Variants in ROR1 observed in about 807,000 individuals in gnomAD.
ROR1 encodes ROR family WNT receptor 1.
ROR1 carries 19 observed loss-of-function variants against 78.8 expected under a neutral mutation model. The observed-to-expected ratio is 0.24, with a 90% CI of 0.17 to 0.35. The LOEUF is 0.35. Ranked by LOEUF, ROR1 falls within the 10% of genes least tolerant of loss-of-function variation. The pLI is 1.00. For synonymous variants in ROR1, 386 were observed against 433.6 expected (o/e 0.89, Z 1.36); for missense variants, 917 against 1,177.8 (o/e 0.78, Z 3.24).
At position 64,109,132 on chromosome 1, in the gene ROR1, T is replaced by TA. The variant is rs202165663; in HGVS notation, c.483-28236dup. On this transcript the variant is annotated intron_variant, in intron 4 of 8. Coordinates refer to ENST00000371079, the MANE Select transcript of ROR1 (RefSeq NM_005012.4). The stretch of plus-strand genomic sequence containing the variant: ...CAATCTGCATCTTTAGTCCATCCTC[T>TA]AGGTGTGTCTTACAGACACCCCAGT... Among the ~76,000 whole-genome samples the TA allele has an allele frequency of 9.1e-3, 1,379 of 152,216 alleles. 17 individuals are homozygous for TA. The highest frequency in any genetic ancestry group is 0.032 in the African/African-American group (1,337 of 41,552).
chr1:63,945,626 A>G (rs1043805925), intron 1 of ROR1, among the ~76,000 whole-genome samples: 1 of 152,082 alleles, frequency 6.6e-6, no homozygotes. Context: ...TTTACTTGCT[A>G]CATCAAACAT....
At chr1:64,064,286 T>A (rs1030134116) in intron 4 of ROR1, among the ~76,000 whole-genome samples, 4 of 152,184 alleles carry the variant, frequency 2.6e-5, no homozygotes, top group African/African-American at 9.7e-5. Context: ...TGGTGGCATG[T>A]CTGTTCTGTG....
chr1:63,988,952 T>C (rs1646272637), intron 1 of ROR1, among the ~76,000 whole-genome samples: 1 of 152,188 alleles, frequency 6.6e-6, no homozygotes, highest in Non-Finnish European at 1.5e-5. Context: ...TGGGTGTGCA[T>C]ATTTGAGTCC....
At chr1:63,939,254 C>T (rs1645817528) in intron 1 of ROR1, among the ~76,000 whole-genome samples, 1 of 152,130 alleles carries the variant, frequency 6.6e-6, no homozygotes, top group Non-Finnish European at 1.5e-5. Context: ...TTTTAAAAAT[C>T]CCCATGCCCA....
At chr1:63,803,840 A>C (rs1373301686) in intron 1 of ROR1, among the ~76,000 whole-genome samples, 1 of 152,182 alleles carries the variant, frequency 6.6e-6, no homozygotes, top group South Asian at 2.1e-4. Context: ...ACTGTGCTAC[A>C]TCCATACCGT....
intron 1 of ROR1, among the ~76,000 whole-genome samples, chr1:63,863,865 G>C (rs1360605074): frequency 6.6e-6 from 1 of 151,816 alleles, no homozygotes; most frequent in African/African-American, 2.4e-5. Flanking sequence ...TAGCAGAAGT[G>C]GACATCTCAT....
At chr1:64,177,378 T>C in intron 8 of ROR1, 50 bp from the exon 9 acceptor site, 3 of 1,413,262 alleles carry the variant, frequency 2.1e-6, no homozygotes, top group Non-Finnish European at 2.9e-6. Context: ...TGCAAAGCTG[T>C]CTTGCCTGAA....
chr1:63,979,188 T>C (rs1434553167), intron 1 of ROR1, among the ~76,000 whole-genome samples: 1 of 152,134 alleles, frequency 6.6e-6, no homozygotes, highest in Non-Finnish European at 1.5e-5. Flanking sequence ...CCCAGCCAAG[T>C]TGATGCATAA....
chr1:64,125,281 C>G (rs761087570), intron 4 of ROR1, among the ~76,000 whole-genome samples: 12 of 152,152 alleles, frequency 7.9e-5, no homozygotes, highest in Non-Finnish European at 1.5e-4. Context: ...TTGCTTCACT[C>G]AAAGCCTGCC....
At chr1:63,858,999 T>G (rs1407599187) in intron 1 of ROR1, among the ~76,000 whole-genome samples, 1 of 152,224 alleles carries the variant, frequency 6.6e-6, no homozygotes, top group Non-Finnish European at 1.5e-5. Flanking sequence ...TTAGCCTGTG[T>G]GTGTTAAGGT....
chr1:64,014,739 A>AATATATATATATATATATATAT (rs1557609592), intron 2 of ROR1, among the ~76,000 whole-genome samples: 1 of 10,428 alleles, frequency 9.6e-5, no homozygotes, highest in African/African-American at 2.8e-4. Flanking sequence ...ACATACGCAC[A>AATATATATATATATATATATAT]CTATATATAT....
At chr1:64,167,651 G>A (rs1650121600) in intron 8 of ROR1, among the ~76,000 whole-genome samples, 1 of 152,178 alleles carries the variant, frequency 6.6e-6, no homozygotes, top group African/African-American at 2.4e-5. Context: ...AAGGAAAATA[G>A]GTTTTGGAGT....
intron 1 of ROR1, among the ~76,000 whole-genome samples, chr1:63,937,520 A>G (rs1035812563): frequency 6.6e-6 from 1 of 151,790 alleles, no homozygotes; most frequent in Non-Finnish European, 1.5e-5. Flanking sequence ...TTTTAATTAT[A>G]TGGCTGAATC....
intron 1 of ROR1, among the ~76,000 whole-genome samples, chr1:63,873,376 C>A (rs2100362470): frequency 6.6e-6 from 1 of 152,220 alleles, no homozygotes; most frequent in East Asian, 1.9e-4. Context: ...TGTATTATCT[C>A]CCACCCCACT....
intron 4 of ROR1, among the ~76,000 whole-genome samples, chr1:64,076,660 A>G (rs1193126944): frequency 2.0e-5 from 3 of 152,222 alleles, no homozygotes; most frequent in Non-Finnish European, 2.9e-5. Flanking sequence ...CCATATTTCA[A>G]ATGTCTTACT....
intron 1 of ROR1, among the ~76,000 whole-genome samples, chr1:63,779,123 C>T (rs749110457): frequency 6.6e-6 from 1 of 152,196 alleles, no homozygotes; most frequent in African/African-American, 2.4e-5. Flanking sequence ...TGGCCTGGAT[C>T]TCTGGTTCTG....
intron 1 of ROR1, among the ~76,000 whole-genome samples, chr1:63,853,635 C>T (rs970580091): frequency 1.3e-5 from 2 of 152,116 alleles, no homozygotes; most frequent in Non-Finnish European, 2.9e-5. Context: ...ATGCTTTGCT[C>T]TTATATCTTG....
At chr1:63,810,779 A>G (rs1644855993) in intron 1 of ROR1, among the ~76,000 whole-genome samples, 1 of 152,194 alleles carries the variant, frequency 6.6e-6, no homozygotes, top group Non-Finnish European at 1.5e-5. Context: ...TGGGAGGCCC[A>G]TGGAGGCTAT....
intron 1 of ROR1, among the ~76,000 whole-genome samples, chr1:63,877,238 G>C (rs1485074753): frequency 6.6e-6 from 1 of 152,126 alleles, no homozygotes; most frequent in African/African-American, 2.4e-5. Flanking sequence ...TGGGTACAGA[G>C]TTAAATTCCT....
Sources: allele counts gnomAD v4.1 joint callset (sites outside exome capture counted in the v4.1 genomes callset), GRCh38; gene constraint gnomAD v4.1.1; transcripts MANE v1.5; gene names NCBI Gene and HGNC (gene_info 2026-07-23, HGNC 2026-07-21).